Variants in TSHZ2 observed in about 807,000 individuals in gnomAD.
TSHZ2 encodes the protein teashirt homolog 2.
TSHZ2 carries 21 observed loss-of-function variants against 74.4 expected under a neutral mutation model. The observed-to-expected ratio is 0.28, with a 90% confidence interval of 0.20 to 0.41. TSHZ2 has a LOEUF of 0.41. Ranked by LOEUF, TSHZ2 falls within the 10% of genes least tolerant of loss-of-function variation. TSHZ2 has a pLI of 1.00. For synonymous variants in TSHZ2, 540 were observed against 515.3 expected (o/e 1.05, Z -0.65); for missense variants, 1,244 against 1,293.5 (o/e 0.96, Z 0.59).
chr20:53,039,915 G>A (rs1469146112), intron 1 of TSHZ2, among the ~76,000 whole-genome samples: 1 of 152,112 alleles, frequency 6.6e-6, no homozygotes, highest in Non-Finnish European at 1.5e-5. Context: ...AGATCATCCT[G>A]GCTAACACAG....
chr20:53,186,897 G>GT (rs1568801702), intron 1 of TSHZ2, among the ~76,000 whole-genome samples: 25 of 150,860 alleles, frequency 1.7e-4, no homozygotes, highest in African/African-American at 6.2e-4. Flanking sequence ...GGACACTAGG[G>GT]TTTAATATAT....
At chr20:53,395,603 G>A (rs576861347) in intron 2 of TSHZ2, among the ~76,000 whole-genome samples, 1 of 152,232 alleles carries the variant, frequency 6.6e-6, no homozygotes, top group Non-Finnish European at 1.5e-5. Context: ...CAAGAGGTTA[G>A]AAATAAAAGC....
chr20:53,050,183 A>ATATGTATATATATATATG (rs1429308108), intron 1 of TSHZ2, among the ~76,000 whole-genome samples: 23 of 146,088 alleles, frequency 1.6e-4, no homozygotes, highest in Admixed American at 4.1e-4. Context: ...ATACACATAT[A>ATATGTATATATATATATG]TATGTATATA....
intron 1 of TSHZ2, among the ~76,000 whole-genome samples, chr20:53,030,282 G>A (rs1481160283): frequency 1.3e-5 from 2 of 151,548 alleles, no homozygotes; most frequent in South Asian, 2.1e-4. Context: ...CTGAAGATGT[G>A]TATGTGGTAA....
intron 1 of TSHZ2, among the ~76,000 whole-genome samples, chr20:53,252,859 T>C (rs1022454076): frequency 1.3e-5 from 2 of 152,264 alleles, no homozygotes; most frequent in Admixed American, 6.5e-5. Flanking sequence ...GCTGAGCTTA[T>C]ATAATTTTTC....
chr20:53,290,272 A>G (rs988679381), intron 2 of TSHZ2, among the ~76,000 whole-genome samples: 1 of 151,498 alleles, frequency 6.6e-6, no homozygotes, highest in African/African-American at 2.4e-5. Context: ...CCCTATATGC[A>G]CTGCAATTTG....
rs1986432872 is a variant in TSHZ2 at position 53,491,045 on chromosome 20, TTGTTA to T, written c.*3911_*3915del. 1 of 142,812 alleles carries T rather than the reference TTGTTA, an allele frequency of 7.0e-6. No individual in the cohort carries two copies. Among genetic ancestry groups the T allele is most frequent in the African/African-American group, 2.7e-5 (1 of 37,266 alleles). 8.8% of individuals were successfully genotyped at this position (142,812 alleles called of 1,614,324 possible). A position where few individuals can be genotyped will look rare whatever the true frequency, so the allele number is the denominator to read the frequency against. On this transcript the variant is annotated 3_prime_UTR_variant, in exon 3 of 3. Transcript: ENST00000371497. ...TTTCATTGAGTTTCATTTTTTAAGC[TTGTTA>T]AATGCTTTTGTTTAAAAAAAAAAAA...
Position 53,254,942 on chromosome 20 carries a change from C to T in TSHZ2, c.1484C>T (p.Thr495Ile), listed in dbSNP as rs1568837356. 3 of 1,613,880 alleles carry T rather than the reference C, an allele frequency of 1.9e-6. No individual in the cohort carries two copies. Among genetic ancestry groups the T allele is most frequent in the Non-Finnish European group, 8.5e-7 (1 of 1,179,934 alleles). The change falls in exon 2 of 3, where the codon ACA becomes ATA. Residue 495 changes from threonine (T) to isoleucine (I), a missense_variant. Thr to Ile is a moderately conservative substitution (Grantham distance 89). Around this residue, in one of 6 missense-constraint regions of TSHZ2, gnomAD observed 562 missense variants for 544.0 expected, o/e 1.03. Transcript: ENST00000371497. ...CCTCTACAAAAACCTTTAGACCCTA[C>T]AATCAAATATCAATACCTAAGGGAG... ...EDPLQKPLDP[T>I]IKYQYLREED...
chr20:53,090,076 G>T (rs1466839088), intron 1 of TSHZ2, among the ~76,000 whole-genome samples: 1 of 152,226 alleles, frequency 6.6e-6, no homozygotes, highest in Admixed American at 6.5e-5. Flanking sequence ...GCAAACAAGT[G>T]TTGTAAGTCT....
At chr20:53,070,567 A>C (rs1055941838) in intron 1 of TSHZ2, among the ~76,000 whole-genome samples, 5 of 152,320 alleles carry the variant, frequency 3.3e-5, no homozygotes, top group African/African-American at 1.2e-4. Flanking sequence ...GGCCTCTGCG[A>C]AAAGAGTAAT....
rs74177489 is a variant in TSHZ2, at chr20:53,340,177, C to CTTTTTTTTTTT, written c.*8+83612_*8+83613insTTTTTTTTTTT. 9.0e-4 allele frequency among the ~76,000 whole-genome samples: 85 copies of CTTTTTTTTTTT among 94,036 alleles called. 14 individuals carry two copies. Among genetic ancestry groups the CTTTTTTTTTTT allele is most frequent in the South Asian group, 1.2e-3 (3 of 2,494 alleles). 61.7% of individuals were successfully genotyped at this position (94,036 alleles called of 152,430 possible). ...GGATAAAACAAGGTGACTTTTCTTT[C>CTTTTTTTTTTT]TTTTTTCTTTTTTTTTTTTTTTTGA... On this transcript the variant is annotated intron_variant, in intron 2 of 2. Transcript: ENST00000371497.
chr20:53,005,918 G>A (rs567105508), intron 1 of TSHZ2, among the ~76,000 whole-genome samples: 30 of 152,092 alleles, frequency 2.0e-4, no homozygotes, highest in African/African-American at 7.2e-4. Flanking sequence ...ATAATCCCAA[G>A]AGAAGAATCT....
chr20:53,039,160 C>T (rs1983945385), intron 1 of TSHZ2, among the ~76,000 whole-genome samples: 1 of 152,058 alleles, frequency 6.6e-6, no homozygotes, highest in Non-Finnish European at 1.5e-5. Context: ...CTTTTCATTC[C>T]TGCCATCTGG....
chr20:53,484,367 T>C (rs1437266462), intron 2 of TSHZ2, among the ~76,000 whole-genome samples: 1 of 148,774 alleles, frequency 6.7e-6, no homozygotes, highest in Non-Finnish European at 1.5e-5. Flanking sequence ...ACAAGTCACT[T>C]ACTTTTATCT....
chr20:53,125,255 G>T lies in TSHZ2; in HGVS notation c.41-128244G>T, dbSNP rs182532870. On this transcript the variant is annotated intron_variant, in intron 1 of 2. Transcript: ENST00000371497. ...TTATTAATAATTACAAAGAGATATT[G>T]TGAAAGGCCGTAGAGGAGAGAAGTC... Among the ~76,000 whole-genome samples, 45 of 152,290 alleles carry T rather than the reference G, an allele frequency of 3.0e-4. No individual in the cohort carries two copies. In the South Asian group the frequency reaches 8.7e-3, roughly 29 times the overall value.
At chr20:53,387,293 G>T (rs1467348663) in intron 2 of TSHZ2, among the ~76,000 whole-genome samples, 1 of 152,206 alleles carries the variant, frequency 6.6e-6, no homozygotes, top group Non-Finnish European at 1.5e-5. Flanking sequence ...AATGCCACTG[G>T]AAGTTTCTTC....
At chr20:53,447,804 G>C (rs913535206) in intron 2 of TSHZ2, among the ~76,000 whole-genome samples, 1 of 152,120 alleles carries the variant, frequency 6.6e-6, no homozygotes, top group African/African-American at 2.4e-5. Flanking sequence ...CTCTCTCCTC[G>C]GTGCCTCATA....
At chr20:53,009,252 C>T (rs751655801) in intron 1 of TSHZ2, among the ~76,000 whole-genome samples, 2 of 152,012 alleles carry the variant, frequency 1.3e-5, no homozygotes, top group Non-Finnish European at 2.9e-5. Flanking sequence ...GCTGGAGAAT[C>T]GGTTGAATCA....
At chr20:53,050,720 G>T (rs1984429629) in intron 1 of TSHZ2, among the ~76,000 whole-genome samples, 1 of 152,202 alleles carries the variant, frequency 6.6e-6, no homozygotes, top group Non-Finnish European at 1.5e-5. Flanking sequence ...GGTAGTAAGT[G>T]TTAAGATCAA....
Sources: gnomAD v4.1 joint callset for allele counts (sites outside exome capture counted in the v4.1 genomes callset) on GRCh38, gnomAD v4.1.1 for gene constraint, gnomAD v4.1.1 regional missense constraint, MANE v1.5 for transcripts, NCBI Gene and HGNC (gene_info 2026-07-23, HGNC 2026-07-21) for gene names.